Variants in CZIB observed in about 807,000 individuals in gnomAD.
CZIB encodes UPF0587 protein C1orf123.
In CZIB, 26 loss-of-function variants were observed where a neutral mutation model predicts 28.3. That is an observed-to-expected ratio of 0.92 (90% CI 0.67 to 1.27). The LOEUF (loss-of-function observed/expected upper bound fraction) is 1.27, where lower values mean the gene tolerates loss of function less well. Ranked by LOEUF, CZIB falls within the 50% of genes most tolerant of loss-of-function variation. The pLI, the probability that CZIB is intolerant of heterozygous loss-of-function variation, is 0.00. For missense variants in CZIB, 179 were observed against 197.3 expected (o/e 0.91, Z 0.56); for synonymous variants, 78 against 71.1 (o/e 1.10, Z -0.49).
intron 7 of CZIB, 58 bp downstream of exon 7, chr1:53,215,933 A>C (rs1645469122): frequency 1.3e-6 from 2 of 1,566,208 alleles, no homozygotes; most frequent in Non-Finnish European, 1.8e-6. Flanking sequence ...TTGTCCACCA[A>C]AAAAATAATT....
In CZIB at chr1:53,218,190, G is replaced by A. The variant is rs768999922; in HGVS notation, c.243C>T (p.Ser81=). The change falls in exon 5 of 8, where the codon AGC becomes AGT. Residue 81 remains serine, a synonymous_variant. Coordinates refer to ENST00000294360, the MANE Select transcript of CZIB (RefSeq NM_017887.3). The part of the protein sequence containing the change: ...ARENSIEILS[S]TIKPYNAEDN... ...AACTTACATTGTAAGGCTTGATGGT[G>A]CTGCTTAAAATCTCTGAAATAGAAA... 1 of 1,614,036 alleles carries A rather than the reference G, an allele frequency of 6.2e-7. No homozygotes were observed. Among genetic ancestry groups the A allele is most frequent in the Non-Finnish European group, 8.5e-7 (1 of 1,180,002 alleles).
chr1:53,220,370 C>T, intron 1 of CZIB, 26 bp from the exon 2 acceptor site: 2 of 1,607,804 alleles, frequency 1.2e-6, no homozygotes, highest in Non-Finnish European at 8.5e-7. Context: ...AGAGCGACTG[C>T]GTCAGCCGTG....
In CZIB at chr1:53,218,235, T is replaced by G. The variant is rs775961420; in HGVS notation, c.230-32A>C. On this transcript the variant is annotated intron_variant, in intron 4 of 7. Transcript: ENST00000294360. ...TAGAAAAGAGAACACAAAGTTGACT[T>G]GAGTCCATACCCTCGCCCCAGCCAG... 5 of 1,613,450 alleles carry G rather than the reference T, an allele frequency of 3.1e-6. No homozygotes were observed. The South Asian group carries it at 5.5e-5, about 18-fold the overall frequency.
chr1:53,217,591 T>G (rs1209902912), intron 5 of CZIB: 1 of 153,926 alleles, frequency 6.5e-6, no homozygotes, highest in Non-Finnish European at 1.4e-5. Context: ...CCTAGTTCGA[T>G]TCTTGTTTTT....
intron 3 of CZIB, 62 bp downstream of exon 3, chr1:53,218,805 T>C (rs1645491158): frequency 2.6e-6 from 4 of 1,509,546 alleles, no homozygotes; most frequent in Non-Finnish European, 3.7e-6. Flanking sequence ...CCCAAATCCC[T>C]GCCCAGAAGT....
intron 1 of CZIB, 52 bp from the exon 2 acceptor site, chr1:53,220,396 G>C (rs779287927): frequency 6.3e-7 from 1 of 1,594,996 alleles, no homozygotes; most frequent in South Asian, 1.1e-5. Flanking sequence ...GCAGCCCCAC[G>C]CCTGCCCGAC....
intron 1 of CZIB, 68 bp from the exon 2 acceptor site, chr1:53,220,412 C>T: frequency 1.9e-6 from 3 of 1,585,936 alleles, no homozygotes; most frequent in Non-Finnish European, 1.7e-6. Flanking sequence ...CCGACCCTCC[C>T]GCATTCCCAG....
chr1:53,214,708 T>A lies in CZIB; in HGVS notation c.434A>T (p.Gln145Leu), dbSNP rs759358031. Residue 145 changes from glutamine to leucine, a missense_variant, in exon 8 of 8, where the codon CAG (glutamine) becomes CTG (leucine). Coordinates refer to ENST00000294360, the MANE Select transcript of CZIB (RefSeq NM_017887.3). ...GACCTCATAGATTCCCACAGACTCC[T>A]GGGCCTTTTCATCATAGTCAGTCCA... ...KDWTDYDEKA[Q>L]ESVGIYEVTH... is the part of the protein sequence containing the mutation. 6.2e-7 allele frequency: 1 copy of A among 1,614,092 alleles called. No individual in the cohort carries two copies. The highest frequency in any genetic ancestry group is 8.5e-7 in the Non-Finnish European group (1 of 1,180,010).
At chr1:53,220,447 C>T (rs1046657813) in intron 1 of CZIB, 103 bp from the exon 2 acceptor site, 101 of 1,567,254 alleles carry the variant, frequency 6.4e-5, no homozygotes, top group Non-Finnish European at 8.3e-5. Flanking sequence ...GGGAGACACT[C>T]CTTCTGCCTC....
intron 2 of CZIB, 128 bp downstream of exon 2, chr1:53,220,133 T>G (rs1042837828): frequency 7.4e-6 from 6 of 812,996 alleles, no homozygotes; most frequent in African/African-American, 1.7e-5. Context: ...CGTAAAATTC[T>G]AACTAGGAAA....
rs531174627 is a variant in CZIB at position 53,219,137 on chromosome 1, C to A, written c.91-214G>T. 211 of 586,950 alleles carry A rather than the reference C, an allele frequency of 3.6e-4. 1 individual carries two copies. Among genetic ancestry groups the A allele is most frequent in the African/African-American group, 3.4e-3 (183 of 53,574 alleles). The allele number at this position is 586,950 out of a possible 1,614,324, so 36.4% of individuals were successfully genotyped here. A position where few individuals can be genotyped will look rare whatever the true frequency, so the allele number is the denominator to read the frequency against. Reference sequence around the variant, plus strand: ...TTTCCTATGCCGGCGTGCCCACCCTCCTCTATGAAGTGCTCAGTGTGGCCG... The same window carrying A: ...TTTCCTATGCCGGCGTGCCCACCCTACTCTATGAAGTGCTCAGTGTGGCCG... On this transcript the variant is annotated intron_variant, in intron 2 of 7. Transcript: ENST00000294360.
intron 3 of CZIB, 44 bp from the exon 4 acceptor site, chr1:53,218,539 T>C (rs769621068): frequency 1.9e-6 from 3 of 1,584,130 alleles, no homozygotes; most frequent in East Asian, 2.2e-5. Context: ...ATGAATTAGA[T>C]GTACAGTCCT....
chr1:53,216,672 T>C, intron 6 of CZIB, 110 bp downstream of exon 6: 1 of 998,250 alleles, frequency 1.0e-6, no homozygotes, highest in Non-Finnish European at 1.6e-6. Flanking sequence ...TTACTACCGC[T>C]AGAAAGGAGA....
chr1:53,218,945 G>C, intron 2 of CZIB, 22 bp from the exon 3 acceptor site: 1 of 1,609,014 alleles, frequency 6.2e-7, no homozygotes, highest in Non-Finnish European at 8.5e-7. Flanking sequence ...AAGAATGTTA[G>C]TAAAGCAGCT....
Position 53,214,607 on chromosome 1 carries a change from A to T in CZIB, c.*52T>A. On this transcript the variant is annotated 3_prime_UTR_variant, in exon 8 of 8. Transcript: ENST00000294360. ...CGAGCCTCTGTGGGCTCTGCTGCTT[A>T]GAGTACTTTGTCCTTTCTCAGTTCT... 6.6e-7 allele frequency: 1 copy of T among 1,520,008 alleles called. No individual in the cohort carries two copies. The highest frequency in any genetic ancestry group is 9.1e-7 in the Non-Finnish European group (1 of 1,096,596). 94.2% of individuals were successfully genotyped at this position (1,520,008 alleles called of 1,614,324 possible). A position where few individuals can be genotyped will look rare whatever the true frequency, so the allele number is the denominator to read the frequency against.
chr1:53,220,465 T>G, intron 1 of CZIB, 105 bp downstream of exon 1: 2 of 1,582,446 alleles, frequency 1.3e-6, no homozygotes, highest in Non-Finnish European at 1.7e-6. Flanking sequence ...CTCCTGCTCC[T>G]TCAGCGCGCA....
At chr1:53,216,735 C>T (rs368727551) in intron 6 of CZIB, 47 bp downstream of exon 6, 2 of 1,544,836 alleles carry the variant, frequency 1.3e-6, no homozygotes, top group Non-Finnish European at 1.8e-6. Flanking sequence ...TCACTTCATA[C>T]ATCCCCTCCC....
rs769860343 is a variant in CZIB, at chr1:53,214,711, G to A, written c.431C>T (p.Ala144Val). 8 of 1,614,058 alleles carry A rather than the reference G, an allele frequency of 5.0e-6. No homozygotes were observed. Among genetic ancestry groups the A allele is most frequent in the Non-Finnish European group, 6.8e-6 (8 of 1,180,020 alleles). The change falls in exon 8 of 8, where the codon GCC (alanine) becomes GTC (valine). Residue 144 changes from alanine to valine, a missense_variant. Ala to Val is a moderately conservative substitution (Grantham distance 64). Transcript: ENST00000294360. ...EKDWTDYDEK[A>V]QESVGIYEVT... is the part of the protein sequence containing the mutation. ...CTCATAGATTCCCACAGACTCCTGG[G>A]CCTTTTCATCATAGTCAGTCCAGTC...
chr1:53,216,133 C>G, intron 6 of CZIB, 77 bp from the exon 7 acceptor site: 1 of 1,378,312 alleles, frequency 7.3e-7, no homozygotes, highest in Non-Finnish European at 1.0e-6. Flanking sequence ...GGCCAGGCTG[C>G]TGGCTCTTCT....
Sources: gnomAD v4.1 joint callset for allele counts on GRCh38, gnomAD v4.1.1 for gene constraint, MANE v1.5 for transcripts, NCBI Gene and HGNC (gene_info 2026-07-23, HGNC 2026-07-21) for gene names.